The following IGFL2 variants were observed in gnomAD, a reference collection of about 807,000 sequenced individuals.
IGFL2 encodes the protein IGF like family member 2.
In IGFL2, 7 loss-of-function variants were observed where a neutral mutation model predicts 13.9. The observed-to-expected ratio is 0.51, with a 90% CI of 0.29 to 0.95. IGFL2 has a LOEUF of 0.95. Ranked by LOEUF, IGFL2 falls within the 40% of genes least tolerant of loss-of-function variation. IGFL2 has a pLI of 0.08. For missense variants in IGFL2, 138 were observed against 147.8 expected (o/e 0.93, Z 0.34); for synonymous variants, 55 against 55.8 (o/e 0.99, Z 0.07).
At chr19:46,196,600 ACTC>A in the IGFL2 span, among the ~76,000 whole-genome samples, 6 of 151,950 alleles carry the variant, frequency 3.9e-5, no homozygotes, top group South Asian at 8.3e-4. Flanking sequence ...CCAGCTCTGA[ACTC>A]CTCCAACACC....
the IGFL2 span, among the ~76,000 whole-genome samples, chr19:46,105,870 T>A: frequency 6.6e-6 from 1 of 152,146 alleles, no homozygotes. Context: ...GAATTCTGAC[T>A]GCACAGCCCT....
upstream of IGFL2, among the ~76,000 whole-genome samples, chr19:46,144,252 A>G (rs1293795984): frequency 1.3e-5 from 2 of 152,248 alleles, no homozygotes; most frequent in East Asian, 3.8e-4. Context: ...CATATAATTC[A>G]TATAATTTCA....
chr19:46,117,099 C>T, the IGFL2 span, among the ~76,000 whole-genome samples: 1 of 151,878 alleles, frequency 6.6e-6, no homozygotes, highest in Non-Finnish European at 1.5e-5. Flanking sequence ...CTATTTTTTT[C>T]TCATTATGTA....
At chr19:46,171,312 G>C in the IGFL2 span, among the ~76,000 whole-genome samples, 2 of 152,166 alleles carry the variant, frequency 1.3e-5, no homozygotes, top group African/African-American at 4.8e-5. Context: ...AGAGCCAGGA[G>C]CTAAGTCAAG....
chr19:46,121,616 G>A, the IGFL2 span, among the ~76,000 whole-genome samples: 2 of 150,538 alleles, frequency 1.3e-5, no homozygotes, highest in Non-Finnish European at 2.9e-5. Context: ...ATAAAACAAC[G>A]GTGTCGCACG....
chr19:46,097,252 A>G, the IGFL2 span, among the ~76,000 whole-genome samples: 1 of 152,176 alleles, frequency 6.6e-6, no homozygotes, highest in Non-Finnish European at 1.5e-5. Flanking sequence ...GGAAGGGTGT[A>G]TGTGTCCAGA....
the IGFL2 span, chr19:46,206,719 A>C: frequency 6.6e-5 from 10 of 152,248 alleles, no homozygotes; most frequent in Non-Finnish European, 1.2e-4. Context: ...AGTTGAATGT[A>C]TAAGATACCC....
At chr19:46,155,017 C>G (rs1212679615) in intron 1 of IGFL2, among the ~76,000 whole-genome samples, 1 of 152,072 alleles carries the variant, frequency 6.6e-6, no homozygotes, top group Non-Finnish European at 1.5e-5. Context: ...TCCTCTACAG[C>G]TAGAACACTG....
At chr19:46,162,016 A>C (rs1303298960), downstream of IGFL2, among the ~76,000 whole-genome samples, 2 of 152,208 alleles carry the variant, frequency 1.3e-5, no homozygotes, top group African/African-American at 4.8e-5. Flanking sequence ...GCTGGTCGTA[A>C]TGAATTCCCT....
the IGFL2 span, among the ~76,000 whole-genome samples, chr19:46,206,102 A>C: frequency 6.6e-6 from 1 of 152,194 alleles, no homozygotes; most frequent in South Asian, 2.1e-4. Flanking sequence ...CTGTTTGACC[A>C]CAAAGTCTCA....
At chr19:46,132,763 A>G in the IGFL2 span, among the ~76,000 whole-genome samples, 1 of 151,526 alleles carries the variant, frequency 6.6e-6, no homozygotes, top group Non-Finnish European at 1.5e-5. Flanking sequence ...AAGGAGGGAG[A>G]AAGGGAGGGA....
chr19:46,206,598 G>T, the IGFL2 span: 1 of 152,150 alleles, frequency 6.6e-6, no homozygotes, highest in Non-Finnish European at 1.5e-5. Flanking sequence ...TAACTGTTTG[G>T]CTGTGACTTG....
intron 1 of IGFL2, among the ~76,000 whole-genome samples, chr19:46,155,378 G>C (rs1973764096): frequency 6.6e-6 from 1 of 152,194 alleles, no homozygotes; most frequent in Admixed American, 6.5e-5. Flanking sequence ...ATTACACAGA[G>C]TTGGCTGGGG....
chr19:46,095,023 A>G, the IGFL2 span, among the ~76,000 whole-genome samples: 1 of 152,160 alleles, frequency 6.6e-6, no homozygotes, highest in Non-Finnish European at 1.5e-5. Flanking sequence ...AGAATGATTT[A>G]TATTCCTTTG....
the IGFL2 span, among the ~76,000 whole-genome samples, chr19:46,118,731 C>G: frequency 6.6e-6 from 1 of 152,158 alleles, no homozygotes; most frequent in Non-Finnish European, 1.5e-5. Context: ...CCCATGCACC[C>G]CTGGGAGAGT....
chr19:46,129,995 A>G, the IGFL2 span, among the ~76,000 whole-genome samples: 3 of 152,152 alleles, frequency 2.0e-5, no homozygotes, highest in African/African-American at 7.2e-5. Flanking sequence ...ATGGATGTCT[A>G]GATCTCTTTG....
chr19:46,210,373 G>A, the IGFL2 span: 1 of 152,348 alleles, frequency 6.6e-6, no homozygotes, highest in East Asian at 1.9e-4. Flanking sequence ...GTGCTAAGTC[G>A]AGGGCAGTGA....
At chr19:46,205,738 G>A in the IGFL2 span, among the ~76,000 whole-genome samples, 1 of 152,134 alleles carries the variant, frequency 6.6e-6, no homozygotes, top group Non-Finnish European at 1.5e-5. Flanking sequence ...TACCCCAGAT[G>A]ATGACGCCAC....
At chr19:46,209,361 G>A in the IGFL2 span, 8,084 of 152,182 alleles carry the variant, frequency 0.053, 350 homozygotes, top group East Asian at 0.11. Flanking sequence ...TGTGCCCTAT[G>A]GGGTCAGATG....
Sources: gnomAD v4.1 joint callset for allele counts (sites outside exome capture counted in the v4.1 genomes callset) on GRCh38, gnomAD v4.1.1 for gene constraint, MANE v1.5 for transcripts, NCBI Gene and HGNC (gene_info 2026-07-23, HGNC 2026-07-21) for gene names.